The following SLC25A16 variants were observed in gnomAD, a reference collection of about 807,000 sequenced individuals.
SLC25A16 encodes mitochondrial coenzyme A transporter SLC25A16.
A neutral mutation model predicts 41.5 loss-of-function variants in SLC25A16; 39 were observed. The observed-to-expected ratio is 0.94, with a 90% CI of 0.73 to 1.23. The LOEUF is 1.23. SLC25A16 is among the 50% of genes most tolerant of loss of function. SLC25A16 has a pLI of 0.00. For missense variants in SLC25A16, 421 were observed against 426.9 expected (o/e 0.99, Z 0.12); for synonymous variants, 146 against 147.8 (o/e 0.99, Z 0.09).
chr10:68,509,968 T>C (rs2053032355), intron 2 of SLC25A16, among the ~76,000 whole-genome samples: 3 of 151,450 alleles, frequency 2.0e-5, no homozygotes, highest in Non-Finnish European at 4.4e-5. Context: ...TCCCAGCTAC[T>C]TGGGAGGCTA....
At chr10:68,503,732 T>C in intron 3 of SLC25A16, 37 bp from the exon 4 acceptor site, 3 of 1,259,830 alleles carry the variant, frequency 2.4e-6, no homozygotes, top group Non-Finnish European at 3.5e-6. Context: ...TGAGATATTT[T>C]TTAAATGCTG....
chr10:68,488,367 T>G, intron 7 of SLC25A16, 100 bp downstream of exon 7: 1 of 864,634 alleles, frequency 1.2e-6, no homozygotes, highest in Non-Finnish European at 1.7e-6. Context: ...AGGATCCTCT[T>G]TTTGAATAAT....
chr10:68,480,879 A>T lies in SLC25A16; in HGVS notation c.*2553T>A, dbSNP rs922811515. The T allele has an allele frequency of 1.3e-5, 2 of 151,846 alleles. No individual in the cohort carries two copies. Among genetic ancestry groups the T allele is most frequent in the Admixed American group, 1.3e-4 (2 of 15,186 alleles). 9.4% of individuals were successfully genotyped at this position (151,846 alleles called of 1,614,324 possible). On this transcript the variant is annotated 3_prime_UTR_variant, in exon 9 of 9. Transcript: ENST00000609923. ...GTGTGGTCTAGAAATGAAAATATAC[A>T]AATGGTTTTAAGAACACATGTATTT...
chr10:68,517,754 A>G (rs2053183414), intron 1 of SLC25A16: 1 of 152,092 alleles, frequency 6.6e-6, no homozygotes, highest in Non-Finnish European at 1.5e-5. Context: ...AGATCTCCTG[A>G]GGTCAGGAGC....
At chr10:68,523,479 T>C (rs2053282615) in intron 1 of SLC25A16, among the ~76,000 whole-genome samples, 2 of 151,692 alleles carry the variant, frequency 1.3e-5, no homozygotes, top group South Asian at 4.2e-4. Context: ...TAAATGTCAT[T>C]TTTTTTTAAT....
Position 68,487,267 on chromosome 10 carries a change from A to C in SLC25A16, c.774-55T>G, listed in dbSNP as rs189339585. The stretch of plus-strand genomic sequence containing the variant: ...AAAATTTTTGGTTTTCTACTCAACA[A>C]CTATTGAATACAAAGCCCTATAAAT... On this transcript the variant is annotated intron_variant, in intron 7 of 8. Coordinates refer to ENST00000609923, the MANE Select transcript of SLC25A16 (RefSeq NM_152707.4). 4,958 of 1,190,834 alleles carry C rather than the reference A, an allele frequency of 4.2e-3. 23 individuals carry two copies. The highest frequency in any genetic ancestry group is 4.8e-3 in the Non-Finnish European group (3,859 of 798,240). 73.8% of individuals were successfully genotyped at this position (1,190,834 alleles called of 1,614,324 possible).
intron 1 of SLC25A16, among the ~76,000 whole-genome samples, chr10:68,522,020 C>T (rs577253165): frequency 2.0e-5 from 3 of 151,956 alleles, no homozygotes; most frequent in Admixed American, 1.3e-4. Context: ...ATGAGCTGGG[C>T]GTGATGGCGC....
At chr10:68,524,182 C>T (rs1051034064) in intron 1 of SLC25A16, among the ~76,000 whole-genome samples, 5 of 151,300 alleles carry the variant, frequency 3.3e-5, no homozygotes, top group African/African-American at 4.9e-5. Context: ...TGGTGGCGGG[C>T]GCCTGTAGTC....
chr10:68,513,305 A>G (rs991743368), intron 2 of SLC25A16, among the ~76,000 whole-genome samples: 1 of 151,584 alleles, frequency 6.6e-6, no homozygotes, highest in African/African-American at 2.4e-5. Context: ...GCTACATAGG[A>G]GGCTGACACA....
chr10:68,488,540 T>C lies in SLC25A16; in HGVS notation c.700A>G (p.Asn234Asp), dbSNP rs1280398112. 5.0e-6 allele frequency: 8 copies of C among 1,599,978 alleles called. No homozygotes were observed. The highest frequency in any genetic ancestry group is 6.8e-6 in the Non-Finnish European group (8 of 1,176,902). The stretch of plus-strand genomic sequence containing the variant: ...ACATGAGTTTTCAAAACTAAGACAT[T>C]AGGATTGTCTGATGAAGGTCTGCCA... ...LLGRPSSDNPNVLVLKTHVNL... is the reference protein window; with the variant it reads ...LLGRPSSDNPDVLVLKTHVNL... Residue 234 changes from asparagine (N) to aspartate (D), a missense_variant, in exon 7 of 9, where the codon AAT (asparagine) becomes GAT (aspartate). Coordinates refer to ENST00000609923, the MANE Select transcript of SLC25A16 (RefSeq NM_152707.4).
At chr10:68,484,326 T>C (rs1446971039) in intron 8 of SLC25A16, among the ~76,000 whole-genome samples, 1 of 152,168 alleles carries the variant, frequency 6.6e-6, no homozygotes, top group Non-Finnish European at 1.5e-5. Flanking sequence ...CAATGAACAC[T>C]TTCCTGTTTC....
intron 6 of SLC25A16, among the ~76,000 whole-genome samples, chr10:68,489,218 G>A (rs1418091381): frequency 1.3e-5 from 2 of 152,152 alleles, no homozygotes; most frequent in Non-Finnish European, 2.9e-5. Context: ...GCGGTGAGCT[G>A]AGATCACGCC....
chr10:68,507,360 T>C (rs2052976007), intron 2 of SLC25A16, among the ~76,000 whole-genome samples: 1 of 151,924 alleles, frequency 6.6e-6, no homozygotes, highest in Admixed American at 6.6e-5. Flanking sequence ...CGTGACCCAC[T>C]GCACCTGGCC....
chr10:68,527,414 T>TA lies in SLC25A16; in HGVS notation c.-40dup. 7.0e-7 allele frequency: 1 copy of TA among 1,437,480 alleles called. No homozygotes were observed. The highest frequency in any genetic ancestry group is 9.0e-7 in the Non-Finnish European group (1 of 1,105,858). 89.0% of individuals were successfully genotyped at this position (1,437,480 alleles called of 1,614,324 possible). On this transcript the variant is annotated 5_prime_UTR_variant, in exon 1 of 9. An upstream open reading frame in the 5' UTR loses its in-frame stop. Coordinates refer to ENST00000609923, the MANE Select transcript of SLC25A16 (RefSeq NM_152707.4). ...GCGTCAGGAGCCTAGGTTGCCAACT[T>TA]ACAGAACACCGGACGGGACCATAGC...
At chr10:68,486,727 A>C (rs948805312) in intron 8 of SLC25A16, among the ~76,000 whole-genome samples, 1 of 151,716 alleles carries the variant, frequency 6.6e-6, no homozygotes, top group Non-Finnish European at 1.5e-5. Context: ...CCAGGCAGGC[A>C]GGCAGATCAC....
At chr10:68,488,688 A>T in intron 6 of SLC25A16, 59 bp from the exon 7 acceptor site, 6 of 1,329,604 alleles carry the variant, frequency 4.5e-6, no homozygotes, top group Non-Finnish European at 6.3e-6. Context: ...TGTGAAAAAG[A>T]CACCATTCTT....
intron 6 of SLC25A16, among the ~76,000 whole-genome samples, chr10:68,489,899 CAAAAA>C (rs71019017): frequency 2.4e-5 from 2 of 84,062 alleles, no homozygotes; most frequent in Admixed American, 1.2e-4. Context: ...GACTCTGTCT[CAAAAA>C]AAAAAAAAAA....
intron 1 of SLC25A16, among the ~76,000 whole-genome samples, chr10:68,525,287 C>T (rs1440284303): frequency 2.0e-5 from 3 of 151,986 alleles, no homozygotes; most frequent in Non-Finnish European, 2.9e-5. Flanking sequence ...AGGCGAGTGC[C>T]ACCACGCCTG....
chr10:68,497,344 T>G (rs1224125290), intron 4 of SLC25A16, among the ~76,000 whole-genome samples: 1 of 152,252 alleles, frequency 6.6e-6, no homozygotes, highest in Non-Finnish European at 1.5e-5. Context: ...CAAATTGGTC[T>G]GGAGTAGGAG....
Sources: gnomAD v4.1 joint callset for allele counts (sites outside exome capture counted in the v4.1 genomes callset) on GRCh38, gnomAD v4.1.1 for gene constraint, MANE v1.5 for transcripts, NCBI Gene and HGNC (gene_info 2026-07-23, HGNC 2026-07-21) for gene names.